FBN2: variants seen among roughly 807,000 people sequenced by gnomAD.
FBN2 encodes the protein fibrillin 2.
Under a neutral mutation model 355.6 loss-of-function variants are expected in FBN2, and 105 were observed. That is an observed-to-expected ratio of 0.30 (90% confidence interval 0.25 to 0.35). FBN2 has a LOEUF of 0.35. FBN2 is among the 10% of genes least tolerant of loss of function. The pLI, the probability that FBN2 is intolerant of heterozygous loss-of-function variation, is 1.00. For synonymous variants in FBN2, 1,350 were observed against 1,301.2 expected (o/e 1.04, Z -0.81); for missense variants, 3,280 against 3,758.7 (o/e 0.87, Z 3.33).
intron 7 of FBN2, 162 bp downstream of exon 7, chr5:128,446,319 T>A (rs1754062403): frequency 1.3e-5 from 9 of 692,078 alleles, no homozygotes; most frequent in South Asian, 1.1e-4. Flanking sequence ...CCACTAAGGC[T>A]ACAATACACA....
chr5:128,339,762 C>T (rs1053388490), intron 25 of FBN2, among the ~76,000 whole-genome samples: 1 of 152,118 alleles, frequency 6.6e-6, no homozygotes, highest in African/African-American at 2.4e-5. Context: ...CCCCAGGTCG[C>T]AGCATGTGAA....
chr5:128,506,980 T>G (rs1755979936), intron 5 of FBN2, among the ~76,000 whole-genome samples: 2 of 152,132 alleles, frequency 1.3e-5, no homozygotes, highest in South Asian at 4.1e-4. Flanking sequence ...TTGATACATT[T>G]GCTAAAATTT....
chr5:128,414,309 A>AACC (rs1279725767), intron 7 of FBN2, among the ~76,000 whole-genome samples: 1 of 152,132 alleles, frequency 6.6e-6, no homozygotes, highest in East Asian at 1.9e-4. Flanking sequence ...AGCCCTACGC[A>AACC]ACCACTGATC....
At chr5:128,434,426 G>A (rs868366965) in intron 7 of FBN2, among the ~76,000 whole-genome samples, 980 of 63,794 alleles carry the variant, frequency 0.015, 45 homozygotes, top group African/African-American at 0.083. Flanking sequence ...ATATATATAT[G>A]GGCAGTAAGT....
intron 7 of FBN2, among the ~76,000 whole-genome samples, chr5:128,426,946 C>T (rs1753498844): frequency 6.6e-6 from 1 of 152,206 alleles, no homozygotes; most frequent in Non-Finnish European, 1.5e-5. Context: ...ACTTGGACTT[C>T]TCTAGCAAAA....
At chr5:128,345,720 C>G (rs1751163328) in intron 23 of FBN2, 136 bp from the exon 24 acceptor site, 1 of 751,366 alleles carries the variant, frequency 1.3e-6, no homozygotes, top group Admixed American at 2.0e-5. Flanking sequence ...CAGTCCCTGA[C>G]CTCCTGGAAT....
At chr5:128,452,505 T>G (rs866786889) in intron 6 of FBN2, among the ~76,000 whole-genome samples, 7 of 152,172 alleles carry the variant, frequency 4.6e-5, no homozygotes, top group African/African-American at 1.7e-4. Flanking sequence ...CTTATTTTAT[T>G]ACATAAATTA....
chr5:128,429,214 A>G lies in FBN2; in HGVS notation c.952+17267T>C, dbSNP rs116047379. Among the ~76,000 whole-genome samples, 1,126 of 152,236 alleles carry G rather than the reference A, an allele frequency of 7.4e-3. 14 individuals are homozygous for G. The highest frequency in any genetic ancestry group is 0.025 in the African/African-American group (1,059 of 41,548). ...TGACACTTTTCAAAAAAGATCCCCA[A>G]TACCGTTCTCTTCAATCTCCTTAAG... On this transcript the variant is annotated intron_variant, in intron 7 of 64. Transcript: ENST00000262464.
intron 6 of FBN2, among the ~76,000 whole-genome samples, chr5:128,450,591 A>C (rs1754211534): frequency 6.6e-6 from 1 of 152,118 alleles, no homozygotes. Flanking sequence ...CAAAAAGAGA[A>C]GCTTCTTAAA....
At chr5:128,263,961 T>A (rs1461472326) in intron 62 of FBN2, among the ~76,000 whole-genome samples, 3 of 152,184 alleles carry the variant, frequency 2.0e-5, no homozygotes, top group African/African-American at 7.2e-5. Flanking sequence ...AACAGAAGGT[T>A]ACTTCAAAAG....
intron 8 of FBN2, among the ~76,000 whole-genome samples, chr5:128,399,685 G>A (rs182241250): frequency 6.6e-6 from 1 of 151,900 alleles, no homozygotes; most frequent in African/African-American, 2.4e-5. Context: ...AAGTTGTGAG[G>A]GGAAGATCAA....
At position 128,259,247 on chromosome 5, in the gene FBN2, C is replaced by G; in HGVS notation, c.*208G>C. 1 of 594,048 alleles carries G rather than the reference C, an allele frequency of 1.7e-6. No individual in the cohort carries two copies. Among genetic ancestry groups the G allele is most frequent in the South Asian group, 2.2e-5 (1 of 46,364 alleles). The allele number at this position is 594,048 out of a possible 1,614,324, so 36.8% of individuals were successfully genotyped here. On this transcript the variant is annotated 3_prime_UTR_variant, in exon 65 of 65. Coordinates refer to ENST00000262464, the MANE Select transcript of FBN2 (RefSeq NM_001999.4). ...TGAAGTTATATAAAAAATACAGTAA[C>G]CACGGTTGCCTTTGTGCTCAAATCT...
intron 55 of FBN2, among the ~76,000 whole-genome samples, chr5:128,283,764 A>G (rs1036162315): frequency 3.9e-5 from 6 of 152,222 alleles, no homozygotes; most frequent in African/African-American, 1.4e-4. Context: ...CATGACCAAA[A>G]CAGAACTTTT....
At chr5:128,408,570 C>T in intron 8 of FBN2, 104 bp downstream of exon 8, 7 of 1,339,160 alleles carry the variant, frequency 5.2e-6, no homozygotes, top group Non-Finnish European at 5.4e-6. Context: ...ACTCATTCAG[C>T]CATTTCTTCA....
intron 36 of FBN2, among the ~76,000 whole-genome samples, chr5:128,317,230 CT>C (rs1403915974): frequency 6.6e-6 from 1 of 152,102 alleles, no homozygotes; most frequent in African/African-American, 2.4e-5. Flanking sequence ...TTTGTTCTTG[CT>C]TTTATTTATC....
intron 28 of FBN2, 149 bp downstream of exon 28, chr5:128,335,839 A>G (rs2126898153): frequency 1.1e-6 from 1 of 886,214 alleles, no homozygotes; most frequent in Middle Eastern, 3.0e-4. Flanking sequence ...GTCTGCTGCA[A>G]GATCACACAA....
At chr5:128,320,854 T>A (rs1449410913) in intron 34 of FBN2, among the ~76,000 whole-genome samples, 1 of 152,224 alleles carries the variant, frequency 6.6e-6, no homozygotes, top group Non-Finnish European at 1.5e-5. Flanking sequence ...TTTGGCTTTA[T>A]GCTAAAGTTG....
intron 55 of FBN2, among the ~76,000 whole-genome samples, chr5:128,285,536 G>A (rs763935102): frequency 3.3e-5 from 5 of 150,864 alleles, no homozygotes; most frequent in Non-Finnish European, 7.4e-5. Flanking sequence ...TCTTTTCTTT[G>A]AAAAAGTAAG....
intron 7 of FBN2, among the ~76,000 whole-genome samples, chr5:128,444,775 G>T (rs1754023313): frequency 6.6e-6 from 1 of 152,172 alleles, no homozygotes; most frequent in African/African-American, 2.4e-5. Context: ...ACATAGAAAA[G>T]CCTCATTCCA....
Sources: allele counts gnomAD v4.1 joint callset (sites outside exome capture counted in the v4.1 genomes callset), GRCh38; gene constraint gnomAD v4.1.1; transcripts MANE v1.5; gene names NCBI Gene and HGNC (gene_info 2026-07-23, HGNC 2026-07-21).